CCDC149: variants seen among roughly 807,000 people sequenced by gnomAD.
CCDC149 encodes coiled-coil domain-containing protein 149.
Under a neutral mutation model 59.9 loss-of-function variants are expected in CCDC149, and 45 were observed. That is an observed-to-expected ratio of 0.75 (90% CI 0.59 to 0.96). The LOEUF (loss-of-function observed/expected upper bound fraction) is 0.96. CCDC149 is among the 40% of genes least tolerant of loss of function. CCDC149 has a pLI of 0.00. For missense variants in CCDC149, 584 were observed against 664.7 expected (o/e 0.88, Z 1.33); for synonymous variants, 245 against 260.6 (o/e 0.94, Z 0.58).
intron 3 of CCDC149, among the ~76,000 whole-genome samples, chr4:24,865,563 T>C (rs1044910928): frequency 6.6e-6 from 1 of 152,208 alleles, no homozygotes; most frequent in Non-Finnish European, 1.5e-5. Context: ...TTCGTACATA[T>C]TTTTTGGCTG....
chr4:24,807,341 G>A lies in CCDC149; in HGVS notation c.*1048C>T, dbSNP rs1301761552. On this transcript the variant is annotated 3_prime_UTR_variant, in exon 13 of 13. Transcript: ENST00000635206. ...ACATCCCCCCTTGCCATGCTGTTGTGAAGTTGTTTTGTTTTCCTCTCTCTT... is the reference window on the plus strand; with the variant it reads ...ACATCCCCCCTTGCCATGCTGTTGTAAAGTTGTTTTGTTTTCCTCTCTCTT... The A allele has an allele frequency of 6.6e-6, 1 of 152,288 alleles. No homozygotes were observed. Among genetic ancestry groups the A allele is most frequent in the East Asian group, 1.9e-4 (1 of 5,188 alleles). 9.4% of individuals were successfully genotyped at this position (152,288 alleles called of 1,614,324 possible). A position where few individuals can be genotyped will look rare whatever the true frequency, so the allele number is the denominator to read the frequency against.
chr4:24,938,932 G>C (rs1383081415), intron 1 of CCDC149, among the ~76,000 whole-genome samples: 1 of 152,228 alleles, frequency 6.6e-6, no homozygotes, highest in Admixed American at 6.5e-5. Context: ...ACAGCTCAAG[G>C]AGGACTGCCT....
chr4:24,880,931 G>A (rs532557621), intron 1 of CCDC149, among the ~76,000 whole-genome samples: 3 of 152,292 alleles, frequency 2.0e-5, no homozygotes, highest in African/African-American at 4.8e-5. Flanking sequence ...AGGAACCCAC[G>A]ATTTCAACAC....
chr4:24,956,312 A>G (rs1723464609), intron 1 of CCDC149, among the ~76,000 whole-genome samples: 1 of 152,072 alleles, frequency 6.6e-6, no homozygotes, highest in South Asian at 2.1e-4. Context: ...GTGACCCTCT[A>G]TTAACATATG....
At chr4:24,967,684 A>G (rs1406595031) in intron 1 of CCDC149, among the ~76,000 whole-genome samples, 2 of 150,944 alleles carry the variant, frequency 1.3e-5, no homozygotes, top group Non-Finnish European at 2.9e-5. Flanking sequence ...TCACCTGGCA[A>G]TGTCCAGAAG....
intron 1 of CCDC149, among the ~76,000 whole-genome samples, chr4:24,972,349 C>T (rs1330157786): frequency 7.1e-6 from 1 of 141,828 alleles, no homozygotes; most frequent in Non-Finnish European, 1.5e-5. Context: ...TCTCTGTCAC[C>T]CAGGCTGGAG....
chr4:24,943,752 G>A (rs562394081), intron 1 of CCDC149, among the ~76,000 whole-genome samples: 181 of 152,266 alleles, frequency 1.2e-3, no homozygotes, highest in African/African-American at 4.3e-3. Context: ...AGTGGGCAAA[G>A]GATATGAACA....
At chr4:24,849,038 T>C (rs1717494662) in intron 4 of CCDC149, among the ~76,000 whole-genome samples, 1 of 152,202 alleles carries the variant, frequency 6.6e-6, no homozygotes, top group African/African-American at 2.4e-5. Flanking sequence ...CCTCTGCTAG[T>C]TCTGCTGTTT....
In CCDC149 at chr4:24,837,887, T is replaced by G. The variant is rs1394883936; in HGVS notation, c.489+269A>C. 6.6e-6 allele frequency among the ~76,000 whole-genome samples: 1 copy of G among 152,232 alleles called. No individual in the cohort carries two copies. Among genetic ancestry groups the G allele is most frequent in the Non-Finnish European group, 1.5e-5 (1 of 68,038 alleles). ...AGTAAGGCCAGTTTGTCACGTGTTG[T>G]TCTCTCCCTGTCTATCCTGGCTAGG... On this transcript the variant is annotated intron_variant, in intron 5 of 12. Transcript: ENST00000635206. This position sits in a 1 kb window ranked among gnomAD's most constrained non-coding sequence, Gnocchi z 4.3.
chr4:24,811,688 C>T (rs1255654030), intron 12 of CCDC149, among the ~76,000 whole-genome samples: 2 of 152,074 alleles, frequency 1.3e-5, no homozygotes, highest in Non-Finnish European at 2.9e-5. Flanking sequence ...TTCTGGCCAA[C>T]ATGGCGAAAC....
intron 1 of CCDC149, among the ~76,000 whole-genome samples, chr4:24,881,847 A>C (rs917420326): frequency 4.6e-5 from 7 of 152,240 alleles, no homozygotes; most frequent in African/African-American, 1.7e-4. Context: ...TATCATCTGC[A>C]TTTTATAAAT....
chr4:24,844,721 C>T (rs572524476), intron 4 of CCDC149, among the ~76,000 whole-genome samples: 2 of 152,054 alleles, frequency 1.3e-5, no homozygotes, highest in South Asian at 2.1e-4. Context: ...TGCAGTGAGC[C>T]GAGATCACAT....
At chr4:24,914,165 G>A (rs1291112323), upstream of CCDC149, among the ~76,000 whole-genome samples, 2 of 152,102 alleles carry the variant, frequency 1.3e-5, no homozygotes, top group Non-Finnish European at 2.9e-5. Context: ...GGAGAAACAG[G>A]GACTCAACTA....
At chr4:24,908,474 T>C (rs1449956640) in intron 1 of CCDC149, among the ~76,000 whole-genome samples, 1 of 149,674 alleles carries the variant, frequency 6.7e-6, no homozygotes, top group Non-Finnish European at 1.5e-5. Flanking sequence ...GAGGCAGGAT[T>C]CCTTGAAGCC....
intron 1 of CCDC149, among the ~76,000 whole-genome samples, chr4:24,970,835 G>A (rs1294540295): frequency 4.6e-5 from 7 of 152,076 alleles, no homozygotes; most frequent in Admixed American, 1.3e-4. Flanking sequence ...AGTGCAATGA[G>A]CCCCCTGGTG....
At chr4:24,935,609 G>A (rs1038940893) in intron 1 of CCDC149, among the ~76,000 whole-genome samples, 7 of 152,132 alleles carry the variant, frequency 4.6e-5, no homozygotes, top group Admixed American at 6.6e-5. Flanking sequence ...CGTGAGGACC[G>A]AGTGTGAAGG....
chr4:24,970,541 T>G (rs1723934310), intron 1 of CCDC149, among the ~76,000 whole-genome samples: 1 of 152,140 alleles, frequency 6.6e-6, no homozygotes, highest in Non-Finnish European at 1.5e-5. Flanking sequence ...GTAACACCAC[T>G]GAGGAGTGGG....
intron 1 of CCDC149, among the ~76,000 whole-genome samples, chr4:24,952,616 AAAAAAAAAAAATAT>A (rs1274627872): frequency 7.6e-5 from 3 of 39,420 alleles, no homozygotes; most frequent in East Asian, 6.1e-4. Flanking sequence ...AAAAAAAAAA[AAAAAAAAAAAATAT>A]ATATATATAT....
At chr4:24,842,143 T>A (rs1004553298) in intron 4 of CCDC149, among the ~76,000 whole-genome samples, 4 of 152,244 alleles carry the variant, frequency 2.6e-5, no homozygotes, top group Non-Finnish European at 4.4e-5. Context: ...GCCTCTTACA[T>A]GCTGACTTCA....
Sources: gnomAD v4.1 joint callset for allele counts (sites outside exome capture counted in the v4.1 genomes callset) on GRCh38, gnomAD v4.1.1 for gene constraint, Gnocchi (gnomAD v3.1) non-coding constraint, MANE v1.5 for transcripts, NCBI Gene and HGNC (gene_info 2026-07-23, HGNC 2026-07-21) for gene names.